RAB3IP: variants seen among roughly 807,000 people sequenced by gnomAD.
RAB3IP encodes RAB3A interacting protein, also known as rab-3A-interacting protein.
Under a neutral mutation model 59.1 loss-of-function variants are expected in RAB3IP, and 36 were observed. The ratio of observed to expected loss-of-function variants is 0.61; its 90% CI spans 0.47 to 0.80. The LOEUF (loss-of-function observed/expected upper bound fraction) is 0.80. Among genes scored for constraint, RAB3IP ranks in the 30% least tolerant of loss-of-function variants. RAB3IP has a pLI of 0.00. For missense variants in RAB3IP, 511 were observed against 536.0 expected, an observed-to-expected ratio of 0.95 and a Z score of 0.46; for synonymous variants, 207 against 191.2, an observed-to-expected ratio of 1.08 and a Z score of -0.68.
intron 4 of RAB3IP, among the ~76,000 whole-genome samples, chr12:69,792,337 C>T (rs1009537695): frequency 7.2e-5 from 11 of 152,182 alleles, no homozygotes; most frequent in Admixed American, 6.5e-4. Context: ...GCTGGATATG[C>T]TAAAAGAAAA....
In RAB3IP at chr12:69,819,215, TA is replaced by T. The variant is rs1881448661; in HGVS notation, c.*3773del. 1 of 152,042 alleles carries T rather than the reference TA, an allele frequency of 6.6e-6. No homozygotes were observed. Among genetic ancestry groups the T allele is most frequent in the Non-Finnish European group, 1.5e-5 (1 of 67,992 alleles). 9.4% of individuals were successfully genotyped at this position (152,042 alleles called of 1,614,324 possible). ...TGTGCCTTCATTCCAAAACAAAAAA[TA>T]AAAGGTAAGAAAATTGTTGAATTGC... On this transcript the variant is annotated 3_prime_UTR_variant, in exon 11 of 11. Coordinates refer to ENST00000247833, the MANE Select transcript of RAB3IP (RefSeq NM_022456.5).
At chr12:69,807,295 C>T (rs1335767025) in intron 8 of RAB3IP, among the ~76,000 whole-genome samples, 31 of 149,990 alleles carry the variant, frequency 2.1e-4, no homozygotes, top group African/African-American at 7.4e-4. Context: ...CAGAGGCGCT[C>T]CTCACCTCCC....
intron 3 of RAB3IP, among the ~76,000 whole-genome samples, chr12:69,780,930 C>T (rs1874591667): frequency 6.6e-6 from 1 of 152,068 alleles, no homozygotes; most frequent in African/African-American, 2.4e-5. Context: ...ATAAACAATA[C>T]TAAACTGTCT....
chr12:69,744,187 C>T (rs1339715923), intron 1 of RAB3IP, among the ~76,000 whole-genome samples: 1 of 151,844 alleles, frequency 6.6e-6, no homozygotes, highest in African/African-American at 2.4e-5. Flanking sequence ...TCCCTGTGTC[C>T]GTGTGTTCTC....
Position 69,819,225 on chromosome 12 carries a change from G to C in RAB3IP, c.*3779G>C, listed in dbSNP as rs4761169. On this transcript the variant is annotated 3_prime_UTR_variant, in exon 11 of 11. Coordinates refer to ENST00000247833, the MANE Select transcript of RAB3IP (RefSeq NM_022456.5). ...TTCCAAAACAAAAAATAAAAGGTAA[G>C]AAAATTGTTGAATTGCATTTGAGAG... is the stretch of plus-strand genomic sequence containing the variant. 116,993 of 152,132 alleles carry C rather than the reference G, an allele frequency of 0.77. 45,104 individuals carry two copies. The highest frequency in any genetic ancestry group is 0.88 in the East Asian group (4,544 of 5,178). 9.4% of individuals were successfully genotyped at this position (152,132 alleles called of 1,614,324 possible).
Position 69,821,303 on chromosome 12 carries a change from A to C in RAB3IP, c.*5857A>C, listed in dbSNP as rs1881715377. The C allele has an allele frequency of 6.6e-6, 1 of 152,242 alleles. No homozygotes were observed. The highest frequency in any genetic ancestry group is 1.5e-5 in the Non-Finnish European group (1 of 68,050). The allele number at this position is 152,242 out of a possible 1,614,324, so 9.4% of individuals were successfully genotyped here. ...TTCAAGAGAATGATTCTCTACCGAA[A>C]CTCTGCAAAATGGGGATATCAAGAG... On this transcript the variant is annotated 3_prime_UTR_variant, in exon 11 of 11. Coordinates refer to ENST00000247833, the MANE Select transcript of RAB3IP (RefSeq NM_022456.5).
chr12:69,759,571 C>T (rs867860620), intron 3 of RAB3IP, among the ~76,000 whole-genome samples: 43 of 151,546 alleles, frequency 2.8e-4, no homozygotes, highest in African/African-American at 8.0e-4. Context: ...CGGGCAGAGG[C>T]GCCTCCGACC....
chr12:69,812,531 C>A, intron 8 of RAB3IP: 1 of 385,986 alleles, frequency 2.6e-6, no homozygotes, highest in East Asian at 4.4e-5. Context: ...TGGAAAACAC[C>A]TAGTTTCTGT....
At chr12:69,741,369 G>C (rs1160234319) in intron 1 of RAB3IP, among the ~76,000 whole-genome samples, 2 of 152,200 alleles carry the variant, frequency 1.3e-5, no homozygotes, top group Non-Finnish European at 2.9e-5. Context: ...ATTAAAAACT[G>C]TATCCGACTG....
chr12:69,782,681 A>AT (rs1412220015), intron 3 of RAB3IP, among the ~76,000 whole-genome samples: 1 of 151,844 alleles, frequency 6.6e-6, no homozygotes, highest in Non-Finnish European at 1.5e-5. Context: ...ATTTGCAAAT[A>AT]TTTTTTTCCC....
intron 4 of RAB3IP, among the ~76,000 whole-genome samples, chr12:69,791,791 A>G (rs1034739931): frequency 2.0e-5 from 3 of 152,252 alleles, no homozygotes; most frequent in Admixed American, 6.5e-5. Context: ...AAGCTACCGC[A>G]TGATCCAGCA....
chr12:69,795,457 A>G, intron 6 of RAB3IP, 113 bp downstream of exon 6: 1 of 794,900 alleles, frequency 1.3e-6, no homozygotes, highest in South Asian at 1.6e-5. Flanking sequence ...ATAATGCAGT[A>G]TTAAGATGGG....
At chr12:69,745,430 GTT>G (rs35316828) in intron 1 of RAB3IP, among the ~76,000 whole-genome samples, 2 of 146,592 alleles carry the variant, frequency 1.4e-5, no homozygotes, top group Admixed American at 6.8e-5. Context: ...TTTATGTGCT[GTT>G]TTTTTTTTTC....
upstream of RAB3IP, chr12:69,738,406 G>A (rs1886876929): frequency 6.6e-6 from 1 of 152,242 alleles, no homozygotes; most frequent in South Asian, 2.1e-4. Flanking sequence ...GGGTTCTACA[G>A]GATTCCTCCC....
At chr12:69,769,267 T>G (rs1192185618) in intron 3 of RAB3IP, among the ~76,000 whole-genome samples, 3 of 152,212 alleles carry the variant, frequency 2.0e-5, no homozygotes, top group Non-Finnish European at 4.4e-5. Flanking sequence ...AATGGCATTC[T>G]GCTTTTGGTC....
At chr12:69,779,906 G>A (rs1050438549) in intron 3 of RAB3IP, among the ~76,000 whole-genome samples, 1 of 152,138 alleles carries the variant, frequency 6.6e-6, no homozygotes, top group Admixed American at 6.5e-5. Context: ...GCTTGTGGAT[G>A]TACACTGATG....
chr12:69,801,674 A>T lies in RAB3IP; in HGVS notation c.1083A>T (p.Gln361His). Residue 361 changes from glutamine to histidine, a missense_variant, in exon 8 of 11, where the codon CAA becomes CAT. Coordinates refer to ENST00000247833, the MANE Select transcript of RAB3IP (RefSeq NM_022456.5). Reference protein sequence around the residue: ...NTLSIEPVGLQPIRFVKASAV... With the variant: ...NTLSIEPVGLHPIRFVKASAV... ...TAAGCATTGAACCAGTGGGATTACA[A>T]CCTATCCGGTTTGTGAAAGCTTCTG... The T allele has an allele frequency of 6.2e-7, 1 of 1,613,110 alleles. No individual in the cohort carries two copies. Among genetic ancestry groups the T allele is most frequent in the South Asian group, 1.1e-5 (1 of 91,040 alleles).
intron 8 of RAB3IP, among the ~76,000 whole-genome samples, chr12:69,808,542 C>T (rs995542337): frequency 6.6e-6 from 1 of 152,130 alleles, no homozygotes; most frequent in Non-Finnish European, 1.5e-5. Context: ...GAGTCTAAGT[C>T]TCTTTGTAGG....
intron 3 of RAB3IP, among the ~76,000 whole-genome samples, chr12:69,779,523 C>G (rs1010891476): frequency 6.6e-6 from 1 of 151,828 alleles, no homozygotes; most frequent in African/African-American, 2.4e-5. Flanking sequence ...ATCTTGTAAG[C>G]TTTCTTCATT....
Sources: allele counts gnomAD v4.1 joint callset (sites outside exome capture counted in the v4.1 genomes callset), GRCh38; gene constraint gnomAD v4.1.1; transcripts MANE v1.5; gene names NCBI Gene and HGNC (gene_info 2026-07-23, HGNC 2026-07-21).